The following DHRSX variants were observed in gnomAD, a reference collection of about 807,000 sequenced individuals.
DHRSX encodes the protein dehydrogenase/reductase X-linked, also known as polyprenol dehydrogenase.
DHRSX carries 31 observed loss-of-function variants against 34.0 expected under a neutral mutation model. The observed-to-expected ratio is 0.91, with a 90% CI of 0.69 to 1.23. DHRSX has a LOEUF of 1.23. Among genes scored for constraint, DHRSX ranks in the 50% most tolerant of loss-of-function variants. The probability of loss-of-function intolerance (pLI) is 0.00; values close to 1 mark genes in which losing one functional copy is unlikely to be tolerated. For synonymous variants in DHRSX, 201 were observed against 183.8 expected (o/e 1.09, Z -0.76); for missense variants, 414 against 428.1 (o/e 0.97, Z 0.29).
rs775988713 is a variant in DHRSX at position 2,380,630 on chromosome X, C to T, written c.286+28115G>A. 4.6e-5 allele frequency among the ~76,000 whole-genome samples: 7 copies of T among 152,154 alleles called. No individual in the cohort carries two copies. In the South Asian group the frequency reaches 8.3e-4, roughly 18 times the overall value. ...GTGGGAGGTGATTGGATCATGGTGG[C>T]GGATTTCCCCCTTGCTGTTCTCATG... On this transcript the variant is annotated intron_variant, in intron 3 of 6. Transcript: ENST00000334651.
At chrX:2,370,424 G>A (rs965819842) in intron 3 of DHRSX, among the ~76,000 whole-genome samples, 3 of 151,624 alleles carry the variant, frequency 2.0e-5, no homozygotes, top group African/African-American at 7.3e-5. Context: ...CACCCGCCTC[G>A]GCATCCCAAA....
chrX:2,368,337 C>T (rs2043018573), intron 3 of DHRSX, among the ~76,000 whole-genome samples: 1 of 151,868 alleles, frequency 6.6e-6, no homozygotes, highest in Non-Finnish European at 1.5e-5. Context: ...GTACCCAAGT[C>T]ACATACGTAA....
At chrX:2,358,824 C>A (rs56048312) in intron 3 of DHRSX, among the ~76,000 whole-genome samples, 1 of 151,658 alleles carries the variant, frequency 6.6e-6, no homozygotes, top group African/African-American at 2.4e-5. Context: ...TAACTAAAGT[C>A]AAAAACCAAA....
chrX:2,348,126 A>G (rs2042743569), intron 3 of DHRSX, among the ~76,000 whole-genome samples: 1 of 152,160 alleles, frequency 6.6e-6, no homozygotes, highest in African/African-American at 2.4e-5. Flanking sequence ...TAAGAAAAAG[A>G]CAGTGTGTTA....
At chrX:2,249,652 T>A (rs1337441784) in intron 5 of DHRSX, among the ~76,000 whole-genome samples, 1 of 149,106 alleles carries the variant, frequency 6.7e-6, no homozygotes, top group Non-Finnish European at 1.5e-5. Context: ...GCCTCCCAAG[T>A]AGCTGGGACT....
chrX:2,500,815 ACCTGGCTCCAGG>A lies in DHRSX; in HGVS notation c.99_109+1del. ...CCCTGACCCCTGCCCCGCCCCGCTGACCTGGCTCCAGGAAGCCCCCGCGGCAGCGCCGCAGCA... is the reference window on the plus strand; with the variant it reads ...CCCTGACCCCTGCCCCGCCCCGCTGAAAGCCCCCGCGGCAGCGCCGCAGCA... On this transcript the variant is annotated splice_donor_variant and coding_sequence_variant, in exon 1 of 7. Transcript: ENST00000334651. LOFTEE classifies it high-confidence loss of function. The A allele has an allele frequency of 1.8e-6, 2 of 1,104,008 alleles. No individual in the cohort carries two copies. The highest frequency in any genetic ancestry group is 2.2e-6 in the Non-Finnish European group (2 of 908,460). 68.4% of individuals were successfully genotyped at this position (1,104,008 alleles called of 1,614,324 possible). A position where few individuals can be genotyped will look rare whatever the true frequency, so the allele number is the denominator to read the frequency against.
chrX:2,424,762 G>C (rs1029441124), intron 2 of DHRSX, among the ~76,000 whole-genome samples: 8 of 152,066 alleles, frequency 5.3e-5, no homozygotes, highest in African/African-American at 1.9e-4. Context: ...GAGCTTTCTG[G>C]ATCTGACTGA....
intron 3 of DHRSX, among the ~76,000 whole-genome samples, chrX:2,291,896 A>ATTTTTTTTTTTTTTTTTTTT (rs928376249): frequency 6.2e-5 from 6 of 96,140 alleles, no homozygotes; most frequent in Non-Finnish European, 1.1e-4. Context: ...GTATTTTTGT[A>ATTTTTTTTTTTTTTTTTTTT]TTTTTTTTTT....
chrX:2,402,553 G>A (rs367631442), intron 3 of DHRSX, among the ~76,000 whole-genome samples: 1 of 152,226 alleles, frequency 6.6e-6, no homozygotes. Context: ...AGACTCAGTC[G>A]AGGTAAAGGC....
chrX:2,312,689 C>G (rs1242719468), intron 3 of DHRSX, among the ~76,000 whole-genome samples: 1 of 151,960 alleles, frequency 6.6e-6, no homozygotes, highest in African/African-American at 2.4e-5. Context: ...ATATTCTGCA[C>G]ATGTACCCCA....
At chrX:2,222,390 C>G (rs2015540640) in intron 6 of DHRSX, among the ~76,000 whole-genome samples, 1 of 152,236 alleles carries the variant, frequency 6.6e-6, no homozygotes, top group Non-Finnish European at 1.5e-5. Context: ...CCAGCCCCAT[C>G]TTGAAGCCAT....
In DHRSX at chrX:2,291,525, G is replaced by C; in HGVS notation, c.365C>G (p.Pro122Arg). The C allele has an allele frequency of 3.1e-6, 5 of 1,613,758 alleles. No individual in the cohort carries two copies. The highest frequency in any genetic ancestry group is 4.2e-6 in the Non-Finnish European group (5 of 1,179,710). The stretch of plus-strand genomic sequence containing the variant: ...ACCATTGTTGATCAGGACATGGAGA[G>C]GAATCTTCTTCATCTTGAACTTCTG... ...FVQKFKMKKIPLHVLINNAGV... is the reference protein window; with the variant it reads ...FVQKFKMKKIRLHVLINNAGV... Residue 122 changes from proline to arginine, a missense_variant, in exon 4 of 7, where the codon CCT (proline) becomes CGT (arginine). Pro to Arg is a moderately radical substitution (Grantham distance 103). Coordinates refer to ENST00000334651, the MANE Select transcript of DHRSX (RefSeq NM_145177.3).
At chrX:2,431,886 C>T (rs1159182101) in intron 1 of DHRSX, among the ~76,000 whole-genome samples, 1 of 152,060 alleles carries the variant, frequency 6.6e-6, no homozygotes, top group African/African-American at 2.4e-5. Context: ...TGCACATGTA[C>T]CCCCGAACCT....
chrX:2,242,896 ACT>A, intron 6 of DHRSX, 125 bp downstream of exon 6: 6 of 875,482 alleles, frequency 6.9e-6, no homozygotes, highest in Non-Finnish European at 1.1e-5. Context: ...TCTTTCCACC[ACT>A]GAGCCGTCCT....
chrX:2,363,185 G>A (rs1431998061), intron 3 of DHRSX, among the ~76,000 whole-genome samples: 5 of 109,536 alleles, frequency 4.6e-5, no homozygotes, highest in African/African-American at 6.7e-5. Flanking sequence ...TTTTATCACC[G>A]TTCTATGGTA....
intron 3 of DHRSX, among the ~76,000 whole-genome samples, chrX:2,354,207 C>T (rs2042821314): frequency 6.6e-6 from 1 of 152,174 alleles, no homozygotes; most frequent in Non-Finnish European, 1.5e-5. Context: ...CCAGACGTAG[C>T]ACAACAATAA....
intron 3 of DHRSX, among the ~76,000 whole-genome samples, chrX:2,306,246 C>T (rs951701478): frequency 7.9e-5 from 12 of 151,608 alleles, no homozygotes; most frequent in African/African-American, 2.2e-4. Flanking sequence ...GGAGCTACCT[C>T]GCACCAAGAG....
At chrX:2,224,993 C>T (rs1269535960) in intron 6 of DHRSX, among the ~76,000 whole-genome samples, 6 of 150,562 alleles carry the variant, frequency 4.0e-5, no homozygotes, top group African/African-American at 1.5e-4. Context: ...AATTCACATG[C>T]ACACACACAT....
At chrX:2,274,073 T>G (rs2041592939) in intron 4 of DHRSX, among the ~76,000 whole-genome samples, 1 of 152,186 alleles carries the variant, frequency 6.6e-6, no homozygotes, top group Non-Finnish European at 1.5e-5. Context: ...ACTCTTGCTG[T>G]GTCACCCAGA....
Sources: allele counts gnomAD v4.1 joint callset (sites outside exome capture counted in the v4.1 genomes callset), GRCh38; gene constraint gnomAD v4.1.1; transcripts MANE v1.5; gene names NCBI Gene and HGNC (gene_info 2026-07-23, HGNC 2026-07-21).